RIC3: variants seen among roughly 807,000 people sequenced by gnomAD.
RIC3 encodes the protein protein RIC-3.
RIC3 carries 28 observed loss-of-function variants against 27.3 expected under a neutral mutation model. That is an observed-to-expected ratio of 1.02 (90% confidence interval 0.76 to 1.41). The LOEUF (loss-of-function observed/expected upper bound fraction) is 1.41, where lower values mean the gene tolerates loss of function less well. Ranked by LOEUF, RIC3 falls within the 40% of genes most tolerant of loss-of-function variation. The pLI is 0.00. For synonymous variants in RIC3, 184 were observed against 160.4 expected, an observed-to-expected ratio of 1.15 and a Z score of -1.11; for missense variants, 501 against 444.7, an observed-to-expected ratio of 1.13 and a Z score of -1.14.
chr11:8,117,340 C>T (rs1243289392), intron 5 of RIC3, among the ~76,000 whole-genome samples: 1 of 152,198 alleles, frequency 6.6e-6, no homozygotes, highest in Non-Finnish European at 1.5e-5. Context: ...GTTGGGATTA[C>T]AGGCGTGAGC....
chr11:8,158,651 G>C (rs1036206318), intron 1 of RIC3, among the ~76,000 whole-genome samples: 2 of 149,982 alleles, frequency 1.3e-5, no homozygotes, highest in Non-Finnish European at 3.0e-5. Flanking sequence ...GAGAACCTCA[G>C]GAGAATGAGA....
rs1392600616 is a variant in RIC3, at chr11:8,106,328, G to A, written c.*4370C>T. The A allele has an allele frequency of 6.6e-6, 1 of 152,078 alleles. No homozygotes were observed. The highest frequency in any genetic ancestry group is 2.4e-5 in the African/African-American group (1 of 41,388). 9.4% of individuals were successfully genotyped at this position (152,078 alleles called of 1,614,324 possible). A position where few individuals can be genotyped will look rare whatever the true frequency, so the allele number is the denominator to read the frequency against. On this transcript the variant is annotated 3_prime_UTR_variant, in exon 6 of 6. Coordinates refer to ENST00000309737, the MANE Select transcript of RIC3 (RefSeq NM_001206671.4). ...TATACCTTTCATTCATTGTTTCCTAGGAGCCTCAGGTGGGTAAGTAGGTGA... is the reference window on the plus strand; with the variant it reads ...TATACCTTTCATTCATTGTTTCCTAAGAGCCTCAGGTGGGTAAGTAGGTGA...
At chr11:8,097,168 C>A in the RIC3 span, 1 of 1,585,024 alleles carries the variant, frequency 6.3e-7, no homozygotes, top group Non-Finnish European at 8.6e-7. Flanking sequence ...GGATCCCAGA[C>A]CACCAATTTG....
At chr11:8,153,763 C>T (rs546686453) in intron 1 of RIC3, among the ~76,000 whole-genome samples, 1 of 152,252 alleles carries the variant, frequency 6.6e-6, no homozygotes, top group South Asian at 2.1e-4. Flanking sequence ...GTATATATGT[C>T]TTCTTGTATG....
intron 1 of RIC3, among the ~76,000 whole-genome samples, chr11:8,145,336 G>T (rs1189436481): frequency 1.3e-5 from 2 of 152,042 alleles, no homozygotes; most frequent in African/African-American, 2.4e-5. Flanking sequence ...GGGCCATAAG[G>T]TTTTTTCTTT....
chr11:8,134,526 G>A lies in RIC3; in HGVS notation c.521+2852C>T, dbSNP rs571483208. 7.2e-5 allele frequency among the ~76,000 whole-genome samples: 11 copies of A among 152,284 alleles called. No individual in the cohort carries two copies. The South Asian group carries it at 2.1e-3, about 29-fold the overall frequency. ...GTATATACCCAGTAATGGCATGGCTGGGTCAAATGGTATTTCTAGTTCTGG... is the reference window on the plus strand; with the variant it reads ...GTATATACCCAGTAATGGCATGGCTAGGTCAAATGGTATTTCTAGTTCTGG... On this transcript the variant is annotated intron_variant, in intron 4 of 5. Coordinates refer to ENST00000309737, the MANE Select transcript of RIC3 (RefSeq NM_001206671.4).
intron 1 of RIC3, among the ~76,000 whole-genome samples, chr11:8,165,616 G>C (rs1951607454): frequency 6.6e-6 from 1 of 151,606 alleles, no homozygotes; most frequent in Admixed American, 6.6e-5. Context: ...TTGTAGTGAT[G>C]GTTGTACAAC....
intron 4 of RIC3, among the ~76,000 whole-genome samples, chr11:8,133,827 G>A (rs1948032854): frequency 6.6e-6 from 1 of 152,106 alleles, no homozygotes; most frequent in Non-Finnish European, 1.5e-5. Context: ...GATGTACATG[G>A]ACTGAATGGT....
chr11:8,139,917 G>C, intron 2 of RIC3, 50 bp downstream of exon 2: 1 of 1,464,090 alleles, frequency 6.8e-7, no homozygotes, highest in Non-Finnish European at 9.5e-7. Context: ...GATTTTTATT[G>C]CCATATTAGA....
At chr11:8,148,149 C>G (rs1949899592) in intron 1 of RIC3, among the ~76,000 whole-genome samples, 1 of 152,202 alleles carries the variant, frequency 6.6e-6, no homozygotes, top group African/African-American at 2.4e-5. Context: ...AAGCTCCACT[C>G]CAGTGATACT....
intron 4 of RIC3, chr11:8,135,544 A>G (rs1262115676): frequency 6.6e-6 from 1 of 152,162 alleles, no homozygotes; most frequent in Admixed American, 6.5e-5. Context: ...CTTGATGGGG[A>G]TGGCGTTGAA....
intron 4 of RIC3, among the ~76,000 whole-genome samples, chr11:8,133,082 C>A (rs1010211089): frequency 2.6e-5 from 4 of 152,154 alleles, no homozygotes; most frequent in Non-Finnish European, 5.9e-5. Flanking sequence ...CCCTCATGAA[C>A]AGATTAATGC....
chr11:8,134,556 C>T (rs1410577890), intron 4 of RIC3, among the ~76,000 whole-genome samples: 2 of 152,166 alleles, frequency 1.3e-5, no homozygotes, highest in Non-Finnish European at 2.9e-5. Flanking sequence ...TTCTGGATCC[C>T]TGAGGAATCG....
At chr11:8,097,276 G>A in the RIC3 span, 208 of 1,614,192 alleles carry the variant, frequency 1.3e-4, no homozygotes, top group Middle Eastern at 1.3e-3. Context: ...ACCAGTGGAC[G>A]TTGAGGTCCA....
the RIC3 span, chr11:8,097,587 A>G: frequency 4.6e-6 from 6 of 1,318,220 alleles, no homozygotes. Context: ...TTTCCAGTGC[A>G]TTTGTGTGTG....
chr11:8,129,332 T>C (rs748106389), intron 4 of RIC3, among the ~76,000 whole-genome samples: 3 of 152,206 alleles, frequency 2.0e-5, no homozygotes, highest in East Asian at 1.9e-4. Flanking sequence ...CCTCAGGAAG[T>C]TGACCCAGTA....
At chr11:8,112,294 C>CTTTTCTT (rs1554944262) in intron 5 of RIC3, among the ~76,000 whole-genome samples, 1 of 124,316 alleles carries the variant, frequency 8.0e-6, no homozygotes, top group Non-Finnish European at 1.7e-5. Flanking sequence ...CTTTTCTTTT[C>CTTTTCTT]TTTTTTTTTT....
In RIC3 at chr11:8,108,897, A is replaced by C. The variant is rs1944951514; in HGVS notation, c.*1801T>G. On this transcript the variant is annotated 3_prime_UTR_variant, in exon 6 of 6. Transcript: ENST00000309737. ...CCAGGAACCCAGGGCTCTCCTCATG[A>C]ATCAACCCCTCACAGTGAACGAAGG... 6.6e-6 allele frequency: 1 copy of C among 152,238 alleles called. No homozygotes were observed. The highest frequency in any genetic ancestry group is 2.1e-4 in the South Asian group (1 of 4,830). The allele number at this position is 152,238 out of a possible 1,614,324, so 9.4% of individuals were successfully genotyped here. A position where few individuals can be genotyped will look rare whatever the true frequency, so the allele number is the denominator to read the frequency against.
rs1201370377 is a variant in RIC3, at chr11:8,107,802, C to CGTTA, written c.*2895_*2896insTAAC. On this transcript the variant is annotated 3_prime_UTR_variant, in exon 6 of 6. Transcript: ENST00000309737. Reference sequence around the variant, plus strand: ...CCAGATTATGCAGTTGTTTTGTGAGCTAACTGTCCATAAAGGTATGACTTG... The same window carrying CGTTA: ...CCAGATTATGCAGTTGTTTTGTGAGCGTTATAACTGTCCATAAAGGTATGACTTG... 6.6e-6 allele frequency: 1 copy of CGTTA among 152,170 alleles called. No homozygotes were observed. The highest frequency in any genetic ancestry group is 2.4e-5 in the African/African-American group (1 of 41,436). 9.4% of individuals were successfully genotyped at this position (152,170 alleles called of 1,614,324 possible).
Sources: allele counts gnomAD v4.1 joint callset (sites outside exome capture counted in the v4.1 genomes callset), GRCh38; gene constraint gnomAD v4.1.1; transcripts MANE v1.5; gene names NCBI Gene and HGNC (gene_info 2026-07-23, HGNC 2026-07-21).